Variants in MYT1L observed in about 807,000 individuals in gnomAD.
MYT1L encodes myelin transcription factor 1 like.
A neutral mutation model predicts 126.7 loss-of-function variants in MYT1L; 12 were observed. The ratio of observed to expected loss-of-function variants is 0.09; its 90% CI spans 0.06 to 0.15. MYT1L has a LOEUF of 0.15. Ranked by LOEUF, MYT1L falls within the 10% of genes least tolerant of loss-of-function variation. The pLI is 1.00. For synonymous variants in MYT1L, 541 were observed against 604.2 expected (o/e 0.90, Z 1.53); for missense variants, 979 against 1,585.2 (o/e 0.62, Z 6.49).
At chr2:2,062,166 T>C (rs190368972) in intron 3 of MYT1L, among the ~76,000 whole-genome samples, 18 of 152,250 alleles carry the variant, frequency 1.2e-4, no homozygotes, top group African/African-American at 4.1e-4. Flanking sequence ...TATTAGGAAA[T>C]GCTTTACTGT....
At chr2:2,305,636 G>A (rs1357080580) in intron 1 of MYT1L, among the ~76,000 whole-genome samples, 2 of 152,122 alleles carry the variant, frequency 1.3e-5, no homozygotes, top group Admixed American at 1.3e-4. Context: ...AAGAAAAGAG[G>A]TTTAATTGAA....
intron 5 of MYT1L, among the ~76,000 whole-genome samples, chr2:1,986,915 G>C (rs1307989198): frequency 6.6e-6 from 1 of 152,202 alleles, no homozygotes; most frequent in Non-Finnish European, 1.5e-5. Context: ...TCAAGGAATG[G>C]CTGGGCAGGA....
Position 1,922,094 on chromosome 2 carries a change from G to C in MYT1L, c.1483+192C>G, listed in dbSNP as rs1389936881. Among the ~76,000 whole-genome samples the C allele has an allele frequency of 1.3e-5, 2 of 152,146 alleles. No homozygotes were observed. Among genetic ancestry groups the C allele is most frequent in the African/African-American group, 2.4e-5 (1 of 41,442 alleles). On this transcript the variant is annotated intron_variant, in intron 10 of 24. Transcript: ENST00000647738. This position sits in a 1 kb window ranked among gnomAD's most constrained non-coding sequence, Gnocchi z 7.4. ...GTAATATGATGTTAAGCTGCTTTAT[G>C]TATTTCTCAGACAAATATTTTATTT...
intron 3 of MYT1L, among the ~76,000 whole-genome samples, 200 bp downstream of exon 3, chr2:2,172,672 T>C (rs2090218722): frequency 6.6e-6 from 1 of 151,536 alleles, no homozygotes; most frequent in Non-Finnish European, 1.5e-5. Context: ...CAGGGGTACC[T>C]GTACTCTGTC....
At chr2:2,210,586 G>A (rs993781842) in intron 2 of MYT1L, among the ~76,000 whole-genome samples, 1 of 152,082 alleles carries the variant, frequency 6.6e-6, no homozygotes, top group Non-Finnish European at 1.5e-5. Context: ...ATGCATCCAT[G>A]TGTCTGTTTT....
intron 8 of MYT1L, among the ~76,000 whole-genome samples, chr2:1,956,623 C>T (rs148325780): frequency 0.055 from 5,664 of 102,822 alleles, 255 homozygotes; most frequent in African/African-American, 0.15. Flanking sequence ...TATCTATCTA[C>T]CTACCTACCT....
intron 9 of MYT1L, among the ~76,000 whole-genome samples, chr2:1,937,457 C>T (rs550134717): frequency 2.0e-5 from 3 of 150,012 alleles, no homozygotes; most frequent in African/African-American, 4.9e-5. Flanking sequence ...CCCTAACGTC[C>T]GCAGCCATCA....
chr2:1,928,899 G>A (rs1272386382), intron 9 of MYT1L, among the ~76,000 whole-genome samples: 4 of 152,126 alleles, frequency 2.6e-5, no homozygotes, highest in African/African-American at 9.7e-5. Context: ...GCCACTCCAG[G>A]TGCCTGGGAA....
intron 3 of MYT1L, among the ~76,000 whole-genome samples, chr2:2,102,945 A>C (rs1365337158): frequency 3.3e-5 from 5 of 152,174 alleles, no homozygotes; most frequent in African/African-American, 7.2e-5. Flanking sequence ...ACACTTAAAA[A>C]AAAAAGCCTT....
chr2:1,833,594 T>C (rs2040467150), intron 21 of MYT1L, among the ~76,000 whole-genome samples: 1 of 152,200 alleles, frequency 6.6e-6, no homozygotes, highest in South Asian at 2.1e-4. Flanking sequence ...CTGGGAGGGA[T>C]TGGCCTTTAC....
intron 1 of MYT1L, among the ~76,000 whole-genome samples, chr2:2,306,569 C>T (rs1465513580): frequency 6.6e-6 from 1 of 152,104 alleles, no homozygotes; most frequent in Non-Finnish European, 1.5e-5. Context: ...TGCAACATGC[C>T]TATTTCCAAA....
intron 14 of MYT1L, among the ~76,000 whole-genome samples, chr2:1,901,190 C>T (rs2050293326): frequency 6.6e-6 from 1 of 152,128 alleles, no homozygotes; most frequent in South Asian, 2.1e-4. Flanking sequence ...CACCCAGAAG[C>T]CCCCTTTCCT....
intron 3 of MYT1L, among the ~76,000 whole-genome samples, chr2:2,102,561 G>A (rs1040486325): frequency 4.6e-5 from 7 of 151,270 alleles, no homozygotes; most frequent in African/African-American, 9.7e-5. Flanking sequence ...CTGCTACACC[G>A]TTCTACTGTT....
At chr2:2,217,538 C>G (rs1357116171) in intron 2 of MYT1L, among the ~76,000 whole-genome samples, 1 of 151,644 alleles carries the variant, frequency 6.6e-6, no homozygotes, top group Admixed American at 6.6e-5. Flanking sequence ...CAAAAATTAG[C>G]CAGGCATGCT....
chr2:2,004,733 T>G (rs1160388685), intron 4 of MYT1L, among the ~76,000 whole-genome samples: 1,734 of 136,116 alleles, frequency 0.013, 21 homozygotes, highest in African/African-American at 0.05. Flanking sequence ...CTTTCCTGCG[T>G]GCCTTCTTTC....
At chr2:2,235,931 T>C (rs1327052148) in intron 2 of MYT1L, among the ~76,000 whole-genome samples, 1 of 152,208 alleles carries the variant, frequency 6.6e-6, no homozygotes, top group Non-Finnish European at 1.5e-5. Flanking sequence ...TTATTGAAAA[T>C]CCAATAGTTT....
At chr2:2,243,296 G>A (rs2094472796) in intron 2 of MYT1L, among the ~76,000 whole-genome samples, 1 of 152,210 alleles carries the variant, frequency 6.6e-6, no homozygotes, top group Non-Finnish European at 1.5e-5. Context: ...ACCATTCAAA[G>A]ATATTCTTGG....
At chr2:2,233,272 G>C (rs949728129) in intron 2 of MYT1L, among the ~76,000 whole-genome samples, 6 of 152,240 alleles carry the variant, frequency 3.9e-5, no homozygotes, top group Admixed American at 3.3e-4. Flanking sequence ...AGCAAGGGGT[G>C]CCAGGACGAC....
chr2:1,903,948 T>TGTGTGC (rs1300209612), intron 13 of MYT1L, among the ~76,000 whole-genome samples: 2 of 151,014 alleles, frequency 1.3e-5, no homozygotes, highest in East Asian at 3.9e-4. Flanking sequence ...TGTGTGTGTG[T>TGTGTGC]GCGCGTGCGC....
Sources: allele counts gnomAD v4.1 joint callset (sites outside exome capture counted in the v4.1 genomes callset), GRCh38; gene constraint gnomAD v4.1.1; non-coding constraint Gnocchi (gnomAD v3.1); transcripts MANE v1.5; gene names NCBI Gene and HGNC (gene_info 2026-07-23, HGNC 2026-07-21).